The following HNF4G variants were observed in gnomAD, a reference collection of about 807,000 sequenced individuals.
HNF4G encodes the protein hepatocyte nuclear factor 4-gamma.
HNF4G carries 21 observed loss-of-function variants against 50.9 expected under a neutral mutation model. The ratio of observed to expected loss-of-function variants is 0.41; its 90% CI spans 0.29 to 0.59. The LOEUF is 0.59. Ranked by LOEUF, HNF4G falls within the 20% of genes least tolerant of loss-of-function variation. The probability of loss-of-function intolerance (pLI) is 0.26; values close to 1 mark genes in which losing one functional copy is unlikely to be tolerated. For synonymous variants in HNF4G, 198 were observed against 185.6 expected, an observed-to-expected ratio of 1.07 and a Z score of -0.54; for missense variants, 527 against 559.4, an observed-to-expected ratio of 0.94 and a Z score of 0.58.
At chr8:75,472,008 C>T (rs1194561542) in intron 1 of HNF4G, among the ~76,000 whole-genome samples, 1 of 152,096 alleles carries the variant, frequency 6.6e-6, no homozygotes, top group Non-Finnish European at 1.5e-5. Flanking sequence ...ATAACAATAC[C>T]TGTCTTGTGA....
chr8:75,540,187 T>C (rs1806575934), intron 1 of HNF4G, 107 bp downstream of exon 1: 1 of 647,228 alleles, frequency 1.5e-6, no homozygotes, highest in East Asian at 2.7e-5. Flanking sequence ...TGCTGGAGAG[T>C]TTAGGGCTTG....
chr8:75,457,859 CGT>C (rs375355654), intron 1 of HNF4G, among the ~76,000 whole-genome samples: 1 of 151,180 alleles, frequency 6.6e-6, no homozygotes, highest in African/African-American at 2.4e-5. Context: ...ATTATGTGTG[CGT>C]GTGTGTGTGT....
chr8:75,482,276 T>G (rs972068021), intron 1 of HNF4G, among the ~76,000 whole-genome samples: 1 of 152,152 alleles, frequency 6.6e-6, no homozygotes, highest in African/African-American at 2.4e-5. Flanking sequence ...TCTGGAAATT[T>G]GGGAGGATTT....
At position 75,455,291 on chromosome 8, in the gene HNF4G, A is replaced by G. The variant is rs2130590908; in HGVS notation, c.-143-34798A>G. 2.0e-5 allele frequency among the ~76,000 whole-genome samples: 3 copies of G among 152,272 alleles called. No homozygotes were observed. The Middle Eastern group carries it at 0.01, about 518-fold the overall frequency. ...GAAACTTTTTATAAATTTAAGCATTATATTCCATATACCTCTTCCAACTGT... is the reference window on the plus strand; with the variant it reads ...GAAACTTTTTATAAATTTAAGCATTGTATTCCATATACCTCTTCCAACTGT... On this transcript the variant is annotated intron_variant, in intron 1 of 10. Transcript: ENST00000354370.
At chr8:75,439,176 GCATCC>G (rs1811212105) in intron 1 of HNF4G, among the ~76,000 whole-genome samples, 1 of 151,984 alleles carries the variant, frequency 6.6e-6, no homozygotes, top group South Asian at 2.1e-4. Flanking sequence ...TGAGATTAAA[GCATCC>G]AAAGAGTAAA....
intron 1 of HNF4G, among the ~76,000 whole-genome samples, chr8:75,473,404 G>A (rs1812167505): frequency 6.6e-6 from 1 of 152,150 alleles, no homozygotes; most frequent in Non-Finnish European, 1.5e-5. Context: ...TTGGTCACAA[G>A]TTAAAATGTG....
chr8:75,418,001 G>A (rs895750113), intron 1 of HNF4G, among the ~76,000 whole-genome samples: 1 of 151,800 alleles, frequency 6.6e-6, no homozygotes, highest in Admixed American at 6.6e-5. Context: ...ATTTTAGGTA[G>A]GAGTGTTAGT....
rs1585958112 is a variant in HNF4G, at chr8:75,558,817, C to T, written c.903C>T (p.Ser301=). 3 of 1,613,678 alleles carry T rather than the reference C, an allele frequency of 1.9e-6. No individual in the cohort carries two copies. The highest frequency in any genetic ancestry group is 2.2e-5 in the East Asian group (1 of 44,858). ...VFFDPDAKGL[S]DPVKIKNMRF... ...CTTTGTTAGATGCAAAAGGGCTAAG[C>T]GATCCAGTAAAAATTAAGAACATGA... Residue 301 remains serine (S), a synonymous_variant, in exon 8 of 10, where the codon AGC becomes AGT. Transcript: ENST00000396423.
At chr8:75,476,555 G>A (rs770855978) in intron 1 of HNF4G, among the ~76,000 whole-genome samples, 8 of 152,122 alleles carry the variant, frequency 5.3e-5, no homozygotes, top group African/African-American at 9.7e-5. Context: ...AATTAACCCC[G>A]TTATGTCATT....
At chr8:75,501,452 T>C (rs1198899879) in intron 2 of HNF4G, among the ~76,000 whole-genome samples, 2 of 152,084 alleles carry the variant, frequency 1.3e-5, no homozygotes, top group African/African-American at 2.4e-5. Context: ...GATAACAAAA[T>C]GTTTGGTAAC....
Position 75,505,964 on chromosome 8 carries a change from A to G in HNF4G, c.-24+15756A>G, listed in dbSNP as rs189285413. Among the ~76,000 whole-genome samples the G allele has an allele frequency of 1.4e-4, 22 of 152,118 alleles. No individual in the cohort carries two copies. In the East Asian group the frequency reaches 3.1e-3, roughly 21 times the overall value. ...TTAGAAATGACATCTCTAGAGTTCA[A>G]GATTCTTGGGAGCAAAATTGAACTT... On this transcript the variant is annotated intron_variant, in intron 2 of 10. Transcript: ENST00000354370.
intron 1 of HNF4G, among the ~76,000 whole-genome samples, chr8:75,428,385 T>C (rs1287282017): frequency 6.6e-6 from 1 of 152,178 alleles, no homozygotes; most frequent in Non-Finnish European, 1.5e-5. Flanking sequence ...AAATAAACTA[T>C]TTCCTAGGGG....
At chr8:75,436,467 T>C (rs1442058050) in intron 1 of HNF4G, among the ~76,000 whole-genome samples, 1 of 152,164 alleles carries the variant, frequency 6.6e-6, no homozygotes, top group East Asian at 1.9e-4. Context: ...GCTCGGCCCA[T>C]AAACAACCCA....
At chr8:75,443,852 T>A (rs1167973549) in intron 1 of HNF4G, among the ~76,000 whole-genome samples, 2 of 152,292 alleles carry the variant, frequency 1.3e-5, no homozygotes, top group East Asian at 3.9e-4. Flanking sequence ...CTCTCCATAG[T>A]ACTCAAAAAG....
At chr8:75,430,462 G>C (rs546800099) in intron 1 of HNF4G, among the ~76,000 whole-genome samples, 1 of 146,624 alleles carries the variant, frequency 6.8e-6, no homozygotes, top group East Asian at 2.0e-4. Flanking sequence ...TAAAAGAGAC[G>C]GGGGTAGGGA....
intron 1 of HNF4G, among the ~76,000 whole-genome samples, chr8:75,425,570 T>C (rs954276206): frequency 2.0e-5 from 3 of 147,926 alleles, no homozygotes; most frequent in Non-Finnish European, 4.5e-5. Flanking sequence ...ATATAATATA[T>C]GTTATATATA....
intron 1 of HNF4G, among the ~76,000 whole-genome samples, chr8:75,418,046 C>G (rs1810684241): frequency 6.6e-6 from 1 of 152,054 alleles, no homozygotes; most frequent in Non-Finnish European, 1.5e-5. Flanking sequence ...GGGCCACGTA[C>G]TGGGTGGCTT....
Position 75,425,062 on chromosome 8 carries a change from C to CTATTTATTTATTTATT in HNF4G, c.-144+16926_-144+16941dup, listed in dbSNP as rs71271860. Among the ~76,000 whole-genome samples the CTATTTATTTATTTATT allele has an allele frequency of 7.1e-3, 1,010 of 142,628 alleles. 5 individuals carry two copies. The highest frequency in any genetic ancestry group is 0.012 in the African/African-American group (476 of 38,294). The allele number at this position is 142,628 out of a possible 152,430, so 93.6% of individuals were successfully genotyped here. A position where few individuals can be genotyped will look rare whatever the true frequency, so the allele number is the denominator to read the frequency against. Reference sequence around the variant, plus strand: ...GCAGCTTCACCAACATCAATGCAGCCTATTTATTTATTTATTTATTTATTT... The same window carrying CTATTTATTTATTTATT: ...GCAGCTTCACCAACATCAATGCAGCCTATTTATTTATTTATTTATTTATTTATTTATTTATTTATTT... On this transcript the variant is annotated intron_variant, in intron 1 of 10. Transcript: ENST00000354370.
chr8:75,556,020 G>A lies in HNF4G; in HGVS notation c.684G>A (p.Leu228=). The A allele has an allele frequency of 1.3e-6, 2 of 1,587,360 alleles. No individual in the cohort carries two copies. Among genetic ancestry groups the A allele is most frequent in the South Asian group, 2.3e-5 (2 of 86,514 alleles). ...LLRAHAGEHL[L]LGATKRSMMY... is the part of the protein sequence containing the mutation. The stretch of plus-strand genomic sequence containing the variant: ...GAGCTCACGCAGGGGAGCACTTACT[G>A]CTTGGAGCTACAAAGAGATCCATGA... Residue 228 remains leucine, a synonymous_variant, in exon 6 of 10, where the codon CTG becomes CTA. Coordinates refer to ENST00000396423, the MANE Select transcript of HNF4G (RefSeq NM_004133.5).
Sources: gnomAD v4.1 joint callset for allele counts (sites outside exome capture counted in the v4.1 genomes callset) on GRCh38, gnomAD v4.1.1 for gene constraint, MANE v1.5 for transcripts, NCBI Gene and HGNC (gene_info 2026-07-23, HGNC 2026-07-21) for gene names.